Variants in COBL observed in about 807,000 individuals in gnomAD.
The protein encoded by COBL is protein cordon-bleu.
Under a neutral mutation model 98.8 loss-of-function variants are expected in COBL, and 51 were observed. That is an observed-to-expected ratio of 0.52 (90% CI 0.41 to 0.65). The LOEUF is 0.65. Among genes scored for constraint, COBL ranks in the 30% least tolerant of loss-of-function variants. COBL has a pLI of 0.00. For synonymous variants in COBL, 634 were observed against 651.7 expected (o/e 0.97, Z 0.41); for missense variants, 1,617 against 1,617.5 (o/e 1.00, Z 0.01).
At chr7:51,193,349 A>G in intron 3 of COBL, 30 bp downstream of exon 3, 1 of 1,593,002 alleles carries the variant, frequency 6.3e-7, no homozygotes, top group Non-Finnish European at 8.6e-7. Context: ...ACATTCAGAC[A>G]CAGGTATTTC....
intron 5 of COBL, among the ~76,000 whole-genome samples, chr7:51,162,444 TTTCTAAGAAA>T (rs1786911382): frequency 6.6e-6 from 1 of 152,212 alleles, no homozygotes. Context: ...TAAACTTCAG[TTTCTAAGAAA>T]TTCACTAACT....
chr7:51,158,514 G>C (rs1328832533), intron 5 of COBL, among the ~76,000 whole-genome samples: 4 of 152,172 alleles, frequency 2.6e-5, no homozygotes, highest in African/African-American at 9.6e-5. Context: ...AACCCTGGAA[G>C]AGGAAGCAAA....
intron 1 of COBL, among the ~76,000 whole-genome samples, chr7:51,282,529 A>G (rs377664744): frequency 1.3e-5 from 2 of 152,128 alleles, no homozygotes; most frequent in Non-Finnish European, 1.5e-5. Context: ...TAACAATCCT[A>G]AACTTCAATA....
At chr7:51,315,444 C>A (rs1563159632) in intron 1 of COBL, among the ~76,000 whole-genome samples, 1 of 152,196 alleles carries the variant, frequency 6.6e-6, no homozygotes, top group Non-Finnish European at 1.5e-5. Context: ...GGCACATGGG[C>A]AGGGTGAGTC....
intron 5 of COBL, among the ~76,000 whole-genome samples, chr7:51,182,845 G>A (rs758227890): frequency 3.3e-5 from 5 of 152,050 alleles, no homozygotes; most frequent in South Asian, 2.1e-4. Flanking sequence ...AACCATTACC[G>A]AAGCTTCAGC....
At position 51,067,853 on chromosome 7, in the gene COBL, T is replaced by C. The variant is rs546742558; in HGVS notation, c.1096+17313A>G. Among the ~76,000 whole-genome samples the C allele has an allele frequency of 9.8e-5, 15 of 152,310 alleles. No homozygotes were observed. The South Asian group carries it at 2.9e-3, about 30-fold the overall frequency. ...CTGTCTATCAATGGGATAATCAGGG[T>C]TCCCCCTGGTGGCTGAAATGTGCGG... On this transcript the variant is annotated intron_variant, in intron 7 of 12. Coordinates refer to ENST00000265136, the MANE Select transcript of COBL (RefSeq NM_015198.5).
intron 1 of COBL, among the ~76,000 whole-genome samples, chr7:51,293,810 G>A (rs954193369): frequency 2.8e-4 from 42 of 152,196 alleles, no homozygotes; most frequent in African/African-American, 9.2e-4. Flanking sequence ...CCCATGCTCA[G>A]TAAGGGGTGC....
rs552056096 is a variant in COBL at position 51,115,616 on chromosome 7, G to C, written c.957+20542C>G. 3.3e-5 allele frequency among the ~76,000 whole-genome samples: 5 copies of C among 152,140 alleles called. 1 individual carries two copies. The South Asian group carries it at 1.0e-3, about 32-fold the overall frequency. ...TGATTTCTAATGTAATACTCCACAT[G>C]ATATAAATCCTTTTAAGTATATTGA... On this transcript the variant is annotated intron_variant, in intron 6 of 12. Transcript: ENST00000265136.
chr7:51,128,181 C>T (rs901140006), intron 6 of COBL, among the ~76,000 whole-genome samples: 1 of 152,206 alleles, frequency 6.6e-6, no homozygotes, highest in African/African-American at 2.4e-5. Context: ...CCCAGATTTA[C>T]TTCTTTGCTC....
At chr7:51,254,244 T>C (rs1464170670) in intron 1 of COBL, among the ~76,000 whole-genome samples, 1 of 152,172 alleles carries the variant, frequency 6.6e-6, no homozygotes, top group Non-Finnish European at 1.5e-5. Context: ...TTATGGCTGA[T>C]GTAAAGTGAC....
intron 5 of COBL, among the ~76,000 whole-genome samples, chr7:51,179,993 T>C (rs1788781042): frequency 2.0e-5 from 3 of 152,212 alleles, no homozygotes; most frequent in Admixed American, 2.0e-4. Flanking sequence ...TTACAGCAAT[T>C]GGGTAAAGTA....
At chr7:51,147,308 C>A (rs1490303840) in intron 5 of COBL, among the ~76,000 whole-genome samples, 1 of 152,190 alleles carries the variant, frequency 6.6e-6, no homozygotes, top group Non-Finnish European at 1.5e-5. Flanking sequence ...GTTAGAAATG[C>A]TTGTTACTTG....
At chr7:51,152,873 C>G (rs1308271815) in intron 5 of COBL, among the ~76,000 whole-genome samples, 1 of 152,356 alleles carries the variant, frequency 6.6e-6, no homozygotes, top group Non-Finnish European at 1.5e-5. Context: ...AATGCTCCAA[C>G]GGTTCAGCCC....
intron 8 of COBL, among the ~76,000 whole-genome samples, chr7:51,040,371 C>CA (rs1053448156): frequency 6.6e-6 from 1 of 152,130 alleles, no homozygotes; most frequent in Non-Finnish European, 1.5e-5. Context: ...CTGAGGGACT[C>CA]AAAGAGCATC....
chr7:51,255,487 C>T (rs1274559882), intron 1 of COBL, among the ~76,000 whole-genome samples: 2 of 152,224 alleles, frequency 1.3e-5, no homozygotes, highest in East Asian at 1.9e-4. Context: ...CTTTCATTCC[C>T]GCATCGTGTT....
chr7:51,193,335 C>A (rs534228830), intron 3 of COBL, 44 bp downstream of exon 3: 4 of 1,564,380 alleles, frequency 2.6e-6, no homozygotes, highest in Non-Finnish European at 3.5e-6. Flanking sequence ...TCAGGACCTG[C>A]CACACATTCA....
intron 12 of COBL, among the ~76,000 whole-genome samples, chr7:51,020,036 A>G (rs150728028): frequency 7.3e-4 from 111 of 152,326 alleles, no homozygotes; most frequent in African/African-American, 2.5e-3. Flanking sequence ...GCCCGCATCA[A>G]TTAATTCCTG....
chr7:51,108,958 C>CACACACACACACACACA (rs1562923478), intron 6 of COBL, among the ~76,000 whole-genome samples: 1,008 of 83,990 alleles, frequency 0.012, 15 homozygotes, highest in Middle Eastern at 0.034. Context: ...ACACACACAC[C>CACACACACACACACACA]CCCTGCCCCA....
chr7:51,117,432 T>A (rs1490533347), intron 6 of COBL, among the ~76,000 whole-genome samples: 1 of 152,112 alleles, frequency 6.6e-6, no homozygotes. Flanking sequence ...TATTTCAAAT[T>A]GATTTATTTT....
Sources: allele counts gnomAD v4.1 joint callset (sites outside exome capture counted in the v4.1 genomes callset), GRCh38; gene constraint gnomAD v4.1.1; transcripts MANE v1.5; gene names NCBI Gene and HGNC (gene_info 2026-07-23, HGNC 2026-07-21).